The following CACNA1E variants were observed in gnomAD, a reference collection of about 807,000 sequenced individuals.
CACNA1E encodes calcium voltage-gated channel subunit alpha1 E.
A neutral mutation model predicts 259.2 loss-of-function variants in CACNA1E; 40 were observed. The observed-to-expected ratio is 0.15, with a 90% confidence interval of 0.12 to 0.20. CACNA1E has a LOEUF of 0.20. Ranked by LOEUF, CACNA1E falls within the 10% of genes least tolerant of loss-of-function variation. The pLI, the probability that CACNA1E is intolerant of heterozygous loss-of-function variation, is 1.00. For synonymous variants in CACNA1E, 1,104 were observed against 1,138.5 expected (o/e 0.97, Z 0.61); for missense variants, 1,874 against 3,040.1 (o/e 0.62, Z 9.02).
chr1:181,771,430 GGAGA>G, intron 36 of CACNA1E, 46 bp downstream of exon 36: 4 of 1,015,832 alleles, frequency 3.9e-6, no homozygotes, highest in Middle Eastern at 4.1e-4. Flanking sequence ...CCTGATGGAG[GGAGA>G]GAGAGTTTGT....
intron 3 of CACNA1E, among the ~76,000 whole-genome samples, chr1:181,534,459 T>C (rs1668013557): frequency 6.6e-6 from 1 of 152,082 alleles, no homozygotes; most frequent in Admixed American, 6.5e-5. Context: ...AACAGAAACA[T>C]ATAGGATGAA....
At chr1:181,762,903 GA>G (rs1298631769) in intron 33 of CACNA1E, among the ~76,000 whole-genome samples, 1 of 152,194 alleles carries the variant, frequency 6.6e-6, no homozygotes, top group Non-Finnish European at 1.5e-5. Context: ...GGGTAGGTGG[GA>G]TAGACGGTGT....
intron 6 of CACNA1E, among the ~76,000 whole-genome samples, chr1:181,613,002 T>A (rs534544750): frequency 1.3e-4 from 20 of 152,364 alleles, no homozygotes; most frequent in Admixed American, 5.9e-4. Flanking sequence ...TACAAGTTTT[T>A]ATTTTCTCTG....
intron 1 of CACNA1E, among the ~76,000 whole-genome samples, chr1:181,334,056 C>T (rs1429964834): frequency 1.3e-5 from 2 of 152,132 alleles, no homozygotes; most frequent in Non-Finnish European, 2.9e-5. Context: ...TAATGAGGCT[C>T]TCCTCTCCCC....
rs574139937 is a variant in CACNA1E at position 181,651,367 on chromosome 1, T to C, written c.981T>C (p.Asn327=). ...ATGATGCCTTAGGAGCCACCTGGAA[T>C]TGGCTGTACTTCATCCCCCTCATCA... is the stretch of plus-strand genomic sequence containing the variant. ...NTNDALGATW[N]WLYFIPLIII... is the part of the protein sequence containing the mutation. Residue 327 remains asparagine, a synonymous_variant, in exon 7 of 48, where the codon AAT becomes AAC. Transcript: ENST00000367573. 12 of 1,613,678 alleles carry C rather than the reference T, an allele frequency of 7.4e-6. No homozygotes were observed. The East Asian group carries it at 2.2e-4, about 30-fold the overall frequency.
At chr1:181,519,806 T>A (rs951264219) in intron 3 of CACNA1E, among the ~76,000 whole-genome samples, 11 of 152,176 alleles carry the variant, frequency 7.2e-5, no homozygotes, top group Non-Finnish European at 1.5e-4. Flanking sequence ...TTTCTGTTAT[T>A]TGGCTGGAAT....
intron 3 of CACNA1E, among the ~76,000 whole-genome samples, chr1:181,562,356 T>A (rs1369895545): frequency 6.6e-6 from 1 of 152,194 alleles, no homozygotes; most frequent in African/African-American, 2.4e-5. Flanking sequence ...GTTGTCTTAA[T>A]TGGAATTTGT....
At chr1:181,688,363 A>G (rs773992993) in intron 7 of CACNA1E, among the ~76,000 whole-genome samples, 1 of 152,234 alleles carries the variant, frequency 6.6e-6, no homozygotes, top group African/African-American at 2.4e-5. Context: ...TCTACACAGC[A>G]GAAGTGTAAG....
rs867995997 is a variant in CACNA1E, at chr1:181,663,979, A to G, written c.1055+12538A>G. The stretch of plus-strand genomic sequence containing the variant: ...TGTTAAAGCTGTTATCCTATAGGCA[A>G]TTGTGGGCAAATAAGGCTGTTGGAA... On this transcript the variant is annotated intron_variant, in intron 7 of 47. Coordinates refer to ENST00000367573, the MANE Select transcript of CACNA1E (RefSeq NM_001205293.3). Among the ~76,000 whole-genome samples the G allele has an allele frequency of 6.0e-4, 92 of 152,346 alleles. 1 individual carries two copies. The highest frequency in any genetic ancestry group is 2.1e-3 in the African/African-American group (89 of 41,584).
intron 2 of CACNA1E, among the ~76,000 whole-genome samples, chr1:181,423,499 G>C (rs2102203151): frequency 6.6e-6 from 1 of 152,278 alleles, no homozygotes; most frequent in Non-Finnish European, 1.5e-5. Flanking sequence ...ACCCACTTCT[G>C]TCTCATGTGC....
chr1:181,772,845 T>C (rs942667836), intron 37 of CACNA1E, among the ~76,000 whole-genome samples: 2 of 152,304 alleles, frequency 1.3e-5, no homozygotes. Context: ...TATTGAGTAG[T>C]ATATGTGGAG....
chr1:181,373,128 G>C (rs1654825242), intron 1 of CACNA1E, among the ~76,000 whole-genome samples: 1 of 152,062 alleles, frequency 6.6e-6, no homozygotes, highest in East Asian at 1.9e-4. Context: ...ACAGATTTTG[G>C]TATCAGAATG....
intron 3 of CACNA1E, among the ~76,000 whole-genome samples, chr1:181,562,056 G>A (rs941136964): frequency 6.6e-6 from 1 of 151,494 alleles, no homozygotes; most frequent in African/African-American, 2.4e-5. Context: ...GAAGTGACCT[G>A]TTCACTTCTT....
At chr1:181,359,862 G>T (rs1351506051) in intron 1 of CACNA1E, among the ~76,000 whole-genome samples, 4 of 152,086 alleles carry the variant, frequency 2.6e-5, no homozygotes, top group Non-Finnish European at 5.9e-5. Flanking sequence ...CACTGAATTT[G>T]GGATCACCTC....
At chr1:181,708,756 A>T (rs555297223) in intron 7 of CACNA1E, among the ~76,000 whole-genome samples, 1 of 152,238 alleles carries the variant, frequency 6.6e-6, no homozygotes, top group East Asian at 1.9e-4. Flanking sequence ...TAAGTTAAGG[A>T]TGAAAATACC....
intron 7 of CACNA1E, among the ~76,000 whole-genome samples, chr1:181,662,218 T>C (rs1309448410): frequency 6.6e-6 from 1 of 152,188 alleles, no homozygotes; most frequent in Non-Finnish European, 1.5e-5. Context: ...GAAAATTGTA[T>C]CTTAGGGTGA....
intron 3 of CACNA1E, among the ~76,000 whole-genome samples, chr1:181,529,424 C>A (rs944982636): frequency 3.3e-5 from 5 of 152,220 alleles, no homozygotes; most frequent in African/African-American, 4.8e-5. Flanking sequence ...CACATGGAGT[C>A]CCTACGGGGG....
At chr1:181,462,972 C>T (rs750153494) in intron 2 of CACNA1E, among the ~76,000 whole-genome samples, 5 of 152,024 alleles carry the variant, frequency 3.3e-5, no homozygotes, top group Non-Finnish European at 5.9e-5. Flanking sequence ...GTCCATGTCT[C>T]TTGGGTGCAT....
intron 15 of CACNA1E, 104 bp downstream of exon 15, chr1:181,720,959 G>A (rs1001602566): frequency 3.8e-5 from 29 of 761,732 alleles, no homozygotes; most frequent in Middle Eastern, 2.3e-4. Context: ...TCCTTTCCAG[G>A]CTCCTCCCAG....
Sources: gnomAD v4.1 joint callset for allele counts (sites outside exome capture counted in the v4.1 genomes callset) on GRCh38, gnomAD v4.1.1 for gene constraint, MANE v1.5 for transcripts, NCBI Gene and HGNC (gene_info 2026-07-23, HGNC 2026-07-21) for gene names.